The following MEIKIN variants were observed in gnomAD, a reference collection of about 807,000 sequenced individuals.
MEIKIN encodes meiotic kinetochore factor, also known as meiosis-specific kinetochore protein.
intron 11 of MEIKIN, among the ~76,000 whole-genome samples, chr5:131,819,366 C>A (rs952665691): frequency 9.5e-5 from 14 of 147,488 alleles, no homozygotes; most frequent in Non-Finnish European, 1.8e-4. Context: ...CCCTGGGAGG[C>A]CAATGCAGGA....
chr5:131,903,159 G>A (rs1168643638), intron 8 of MEIKIN, among the ~76,000 whole-genome samples: 1 of 152,050 alleles, frequency 6.6e-6, no homozygotes, highest in African/African-American at 2.4e-5. Context: ...TATGTAAAGA[G>A]GCCTAATCTA....
At chr5:131,900,056 T>C (rs746444082) in intron 8 of MEIKIN, among the ~76,000 whole-genome samples, 3 of 152,226 alleles carry the variant, frequency 2.0e-5, no homozygotes, top group Non-Finnish European at 2.9e-5. Flanking sequence ...CCTCAGCACA[T>C]GGATCAGTCT....
At chr5:131,922,326 T>C (rs911239208) in intron 5 of MEIKIN, among the ~76,000 whole-genome samples, 22 of 152,052 alleles carry the variant, frequency 1.4e-4, no homozygotes, top group African/African-American at 5.3e-4. Context: ...CAACCAACCA[T>C]GGACTGAAAA....
At chr5:131,877,690 C>T (rs1002906486) in intron 9 of MEIKIN, among the ~76,000 whole-genome samples, 4 of 152,012 alleles carry the variant, frequency 2.6e-5, no homozygotes, top group Non-Finnish European at 5.9e-5. Context: ...CCATGCCTAA[C>T]GTAATGATTC....
At chr5:131,889,208 C>A (rs1274546409) in intron 8 of MEIKIN, among the ~76,000 whole-genome samples, 1 of 152,046 alleles carries the variant, frequency 6.6e-6, no homozygotes, top group Non-Finnish European at 1.5e-5. Flanking sequence ...TTTTTTGGTT[C>A]CATATGAACT....
intron 11 of MEIKIN, among the ~76,000 whole-genome samples, chr5:131,844,232 G>T (rs1279656096): frequency 6.6e-6 from 1 of 152,114 alleles, no homozygotes; most frequent in African/African-American, 2.4e-5. Flanking sequence ...TTCAACAAGA[G>T]ATTTGGGAGA....
chr5:131,939,100 T>C (rs576411206), intron 4 of MEIKIN, among the ~76,000 whole-genome samples: 1 of 152,298 alleles, frequency 6.6e-6, no homozygotes, highest in South Asian at 2.1e-4. Context: ...TTCCCTTTCC[T>C]CCCCGGCCAC....
intron 8 of MEIKIN, among the ~76,000 whole-genome samples, chr5:131,895,544 T>C (rs1313919827): frequency 2.0e-5 from 3 of 152,324 alleles, no homozygotes; most frequent in Non-Finnish European, 4.4e-5. Context: ...GGCAGGATAT[T>C]AATAATTGCC....
At chr5:131,817,590 T>A (rs1773124781) in intron 12 of MEIKIN, among the ~76,000 whole-genome samples, 1 of 146,172 alleles carries the variant, frequency 6.8e-6, no homozygotes, top group African/African-American at 2.5e-5. Flanking sequence ...CACTCCAGCC[T>A]GGGTGACAGA....
chr5:131,816,923 GGTAAA>G (rs1247755225), intron 12 of MEIKIN, among the ~76,000 whole-genome samples: 18 of 152,278 alleles, frequency 1.2e-4, no homozygotes, highest in South Asian at 2.1e-4. Context: ...TCAGAAAGCT[GGTAAA>G]GCATTATTTC....
chr5:131,809,176 C>T (rs1050578981), intron 12 of MEIKIN, among the ~76,000 whole-genome samples: 2 of 152,204 alleles, frequency 1.3e-5, no homozygotes, highest in Non-Finnish European at 2.9e-5. Flanking sequence ...ATCTCAATAT[C>T]ACCAGCAACT....
At chr5:131,885,401 G>A (rs1045177208) in intron 8 of MEIKIN, among the ~76,000 whole-genome samples, 6 of 115,612 alleles carry the variant, frequency 5.2e-5, no homozygotes, top group African/African-American at 1.6e-4. Flanking sequence ...GAGAGAGAGA[G>A]AGAGAGAGAG....
chr5:131,862,589 ATAC>A (rs1363461203), intron 9 of MEIKIN, among the ~76,000 whole-genome samples: 1 of 152,194 alleles, frequency 6.6e-6, no homozygotes, highest in Admixed American at 6.5e-5. Context: ...ACATAAGCAC[ATAC>A]TACTTTTTTG....
intron 6 of MEIKIN, among the ~76,000 whole-genome samples, chr5:131,918,335 G>T (rs1375992317): frequency 2.6e-5 from 4 of 152,150 alleles, no homozygotes. Flanking sequence ...ACCTAATACT[G>T]TTAGATTTTT....
chr5:131,840,088 G>GA, intron 11 of MEIKIN, among the ~76,000 whole-genome samples: 1 of 152,240 alleles, frequency 6.6e-6, no homozygotes, highest in Middle Eastern at 3.4e-3. Context: ...TTGCTTGTCT[G>GA]AAAAAGATAT....
intron 11 of MEIKIN, among the ~76,000 whole-genome samples, chr5:131,828,595 TC>T (rs1437663918): frequency 6.6e-6 from 1 of 152,008 alleles, no homozygotes; most frequent in Non-Finnish European, 1.5e-5. Context: ...TAACAGATGC[TC>T]AAAAAAAGAA....
At chr5:131,897,737 T>A (rs769392077) in intron 8 of MEIKIN, among the ~76,000 whole-genome samples, 6 of 152,226 alleles carry the variant, frequency 3.9e-5, no homozygotes, top group Non-Finnish European at 7.3e-5. Context: ...TTCAGCTCCA[T>A]CAGGTCATTT....
intron 7 of MEIKIN, among the ~76,000 whole-genome samples, chr5:131,915,554 AT>A (rs1471092433): frequency 8.5e-5 from 13 of 152,204 alleles, no homozygotes; most frequent in Non-Finnish European, 1.6e-4. Context: ...AGGGTACTCT[AT>A]TAAGAATTAT....
rs546713156 is a variant in MEIKIN, at chr5:131,927,867, C to T, written c.478+5646G>A. Among the ~76,000 whole-genome samples the T allele has an allele frequency of 5.5e-4, 83 of 152,164 alleles. 1 individual carries two copies. In the South Asian group the frequency reaches 0.015, roughly 27 times the overall value. On this transcript the variant is annotated intron_variant, in intron 5 of 12. Transcript: ENST00000442687. ...ATCCTTAAATCTAAAGAGGATCGGC[C>T]GGGCGCGGTGGCTCACGCCTGTAAT...
Sources: allele counts gnomAD v4.1 joint callset (sites outside exome capture counted in the v4.1 genomes callset), GRCh38; gene constraint gnomAD v4.1.1; transcripts MANE v1.5; gene names NCBI Gene and HGNC (gene_info 2026-07-23, HGNC 2026-07-21).